RNGTT: variants seen among roughly 807,000 people sequenced by gnomAD.
The protein encoded by RNGTT is RNA guanylyltransferase and 5'-phosphatase.
Under a neutral mutation model 79.3 loss-of-function variants are expected in RNGTT, and 33 were observed. The ratio of observed to expected loss-of-function variants is 0.42; its 90% CI spans 0.32 to 0.56. The LOEUF (loss-of-function observed/expected upper bound fraction) is 0.56. Among genes scored for constraint, RNGTT ranks in the 20% least tolerant of loss-of-function variants. The pLI is 0.17. For missense variants in RNGTT, 497 were observed against 739.1 expected, an observed-to-expected ratio of 0.67 and a Z score of 3.80; for synonymous variants, 222 against 235.9, an observed-to-expected ratio of 0.94 and a Z score of 0.54.
At chr6:88,955,285 T>G (rs917922030) in intron 1 of RNGTT, among the ~76,000 whole-genome samples, 2 of 151,972 alleles carry the variant, frequency 1.3e-5, no homozygotes, top group African/African-American at 4.8e-5. Flanking sequence ...GCGTGGTGGC[T>G]CATGCCTGCA....
At position 88,725,507 on chromosome 6, in the gene RNGTT, G is replaced by C. The variant is rs143654706; in HGVS notation, c.1439+44267C>G. On this transcript the variant is annotated intron_variant, in intron 13 of 15. Coordinates refer to ENST00000369485, the MANE Select transcript of RNGTT (RefSeq NM_003800.5). ...CAGGACTAGGGAAAGAAAGCCACAG[G>C]GGGTGGTGAAGTATTCCTCAGTTGG... Among the ~76,000 whole-genome samples the C allele has an allele frequency of 3.4e-3, 525 of 152,314 alleles. 14 individuals are homozygous for C. Among genetic ancestry groups the C allele is most frequent in the East Asian group, 9.7e-4 (5 of 5,178 alleles).
chr6:88,747,159 A>G (rs185037479), intron 13 of RNGTT, among the ~76,000 whole-genome samples: 3 of 152,308 alleles, frequency 2.0e-5, no homozygotes, highest in African/African-American at 7.2e-5. Context: ...GTAATCCAAA[A>G]GCAATATTGT....
At chr6:88,835,196 G>A (rs1053635354) in intron 11 of RNGTT, among the ~76,000 whole-genome samples, 1 of 152,112 alleles carries the variant, frequency 6.6e-6, no homozygotes, top group Non-Finnish European at 1.5e-5. Context: ...GAGATTATCT[G>A]TTCTTTTGTT....
At chr6:88,742,294 CT>C (rs1288609085) in intron 13 of RNGTT, among the ~76,000 whole-genome samples, 1 of 152,086 alleles carries the variant, frequency 6.6e-6, no homozygotes, top group African/African-American at 2.4e-5. Context: ...GAGGAAATGA[CT>C]TTTTGTTTAA....
intron 13 of RNGTT, among the ~76,000 whole-genome samples, chr6:88,697,420 G>A (rs1401677218): frequency 4.6e-5 from 7 of 151,960 alleles, no homozygotes; most frequent in Non-Finnish European, 7.4e-5. Flanking sequence ...GCGTGGTGGC[G>A]GGCACCTATA....
chr6:88,635,786 T>C (rs1378951381), intron 14 of RNGTT, among the ~76,000 whole-genome samples: 1 of 152,040 alleles, frequency 6.6e-6, no homozygotes, highest in African/African-American at 2.4e-5. Context: ...AATTCTGTGG[T>C]ATAAGGAAGG....
intron 6 of RNGTT, among the ~76,000 whole-genome samples, chr6:88,897,955 C>A (rs145691114): frequency 5.9e-5 from 9 of 152,150 alleles, no homozygotes; most frequent in African/African-American, 1.7e-4. Context: ...CTCAGGATGA[C>A]CCCTCATGAG....
At position 88,817,221 on chromosome 6, in the gene RNGTT, A is replaced by C. The variant is rs578143412; in HGVS notation, c.1270-15589T>G. On this transcript the variant is annotated intron_variant, in intron 11 of 15. Coordinates refer to ENST00000369485, the MANE Select transcript of RNGTT (RefSeq NM_003800.5). ...GCAAAAAGGAATATGCAAGGTATTC[A>C]GAACCTCTTCATACCATATATCTGG... is the stretch of plus-strand genomic sequence containing the variant. Among the ~76,000 whole-genome samples, 17 of 152,310 alleles carry C rather than the reference A, an allele frequency of 1.1e-4. No individual in the cohort carries two copies. In the South Asian group the frequency reaches 1.2e-3, roughly 11 times the overall value.
chr6:88,942,756 G>A (rs763520642), intron 1 of RNGTT, among the ~76,000 whole-genome samples: 1 of 152,078 alleles, frequency 6.6e-6, no homozygotes, highest in Non-Finnish European at 1.5e-5. Context: ...TAAATTTCAT[G>A]AAAAAATAAT....
intron 12 of RNGTT, among the ~76,000 whole-genome samples, chr6:88,789,915 T>C (rs1235945765): frequency 1.3e-5 from 2 of 152,330 alleles, no homozygotes; most frequent in South Asian, 4.1e-4. Flanking sequence ...TGTTGGCTAA[T>C]AGGAACCAAT....
intron 10 of RNGTT, among the ~76,000 whole-genome samples, chr6:88,845,487 T>G (rs1781455852): frequency 6.6e-6 from 1 of 152,230 alleles, no homozygotes; most frequent in African/African-American, 2.4e-5. Context: ...ACCATCCAGA[T>G]TAGTAATTAT....
intron 13 of RNGTT, among the ~76,000 whole-genome samples, chr6:88,722,931 A>G (rs1191714229): frequency 1.3e-5 from 2 of 152,222 alleles, no homozygotes; most frequent in African/African-American, 2.4e-5. Context: ...CAGCTGTACA[A>G]AAGTACAGCA....
At chr6:88,833,824 C>A (rs1394030902) in intron 11 of RNGTT, among the ~76,000 whole-genome samples, 1 of 152,088 alleles carries the variant, frequency 6.6e-6, no homozygotes, top group African/African-American at 2.4e-5. Context: ...GAGTTTGAGA[C>A]CAGCCTGGCC....
intron 14 of RNGTT, among the ~76,000 whole-genome samples, chr6:88,668,070 A>T (rs1582304197): frequency 6.6e-6 from 1 of 152,342 alleles, no homozygotes; most frequent in African/African-American, 2.4e-5. Context: ...AAAGTTACAC[A>T]AACAATTTCA....
intron 9 of RNGTT, among the ~76,000 whole-genome samples, chr6:88,851,174 AT>A (rs565079513): frequency 6.6e-6 from 1 of 151,186 alleles, no homozygotes; most frequent in African/African-American, 2.4e-5. Context: ...TTGTATCTCA[AT>A]TTTTTTTAAA....
chr6:88,782,246 T>C (rs1779088584), intron 12 of RNGTT, among the ~76,000 whole-genome samples: 1 of 152,068 alleles, frequency 6.6e-6, no homozygotes, highest in African/African-American at 2.4e-5. Context: ...CATAGTACCC[T>C]TTTCTCATGG....
chr6:88,760,115 T>C (rs1778160391), intron 13 of RNGTT, among the ~76,000 whole-genome samples: 1 of 152,236 alleles, frequency 6.6e-6, no homozygotes, highest in African/African-American at 2.4e-5. Flanking sequence ...TTCTATTTAG[T>C]AAATTAACAA....
chr6:88,848,706 A>G (rs571288093), intron 10 of RNGTT, among the ~76,000 whole-genome samples: 4 of 152,080 alleles, frequency 2.6e-5, no homozygotes, highest in Non-Finnish European at 5.9e-5. Context: ...TGAAACATTC[A>G]TGGGAACAAT....
At chr6:88,815,053 T>A (rs1448943050) in intron 11 of RNGTT, among the ~76,000 whole-genome samples, 1 of 152,132 alleles carries the variant, frequency 6.6e-6, no homozygotes, top group Non-Finnish European at 1.5e-5. Context: ...AGTCTAACAA[T>A]GTGACTCATG....
Sources: gnomAD v4.1 joint callset for allele counts (sites outside exome capture counted in the v4.1 genomes callset) on GRCh38, gnomAD v4.1.1 for gene constraint, MANE v1.5 for transcripts, NCBI Gene and HGNC (gene_info 2026-07-23, HGNC 2026-07-21) for gene names.